FRMD4A: variants seen among roughly 807,000 people sequenced by gnomAD.
FRMD4A encodes the protein FERM domain-containing protein 4A.
Under a neutral mutation model 129.1 loss-of-function variants are expected in FRMD4A, and 29 were observed. That is an observed-to-expected ratio of 0.22 (90% CI 0.17 to 0.31). FRMD4A has a LOEUF of 0.31. Ranked by LOEUF, FRMD4A falls within the 10% of genes least tolerant of loss-of-function variation. The pLI, the probability that FRMD4A is intolerant of heterozygous loss-of-function variation, is 1.00. For missense variants in FRMD4A, 1,272 were observed against 1,375.8 expected, an observed-to-expected ratio of 0.92 and a Z score of 1.19; for synonymous variants, 634 against 571.6, an observed-to-expected ratio of 1.11 and a Z score of -1.56.
intron 8 of FRMD4A, among the ~76,000 whole-genome samples, chr10:13,752,145 G>A (rs938720914): frequency 5.3e-5 from 8 of 152,132 alleles, no homozygotes; most frequent in African/African-American, 1.4e-4. Flanking sequence ...AAAACTCTCC[G>A]GCAGTTATTA....
At chr10:14,189,570 A>G (rs1408185285) in intron 2 of FRMD4A, among the ~76,000 whole-genome samples, 2 of 152,168 alleles carry the variant, frequency 1.3e-5, no homozygotes, top group Non-Finnish European at 2.9e-5. Flanking sequence ...GTGAAACTCC[A>G]TTTCAAAAAA....
intron 3 of FRMD4A, among the ~76,000 whole-genome samples, chr10:13,814,019 G>C (rs985985729): frequency 2.6e-5 from 4 of 152,198 alleles, no homozygotes; most frequent in Admixed American, 2.6e-4. Context: ...GTTTGCCCTT[G>C]AGGCTTGTGT....
intron 2 of FRMD4A, among the ~76,000 whole-genome samples, chr10:14,033,306 C>A (rs1177091620): frequency 4.9e-5 from 7 of 141,452 alleles, no homozygotes; most frequent in African/African-American, 7.8e-5. Flanking sequence ...GACTGTGTCT[C>A]AAAAAAAAAA....
intron 2 of FRMD4A, among the ~76,000 whole-genome samples, chr10:13,987,657 T>C (rs1383120190): frequency 6.6e-6 from 1 of 152,160 alleles, no homozygotes; most frequent in Non-Finnish European, 1.5e-5. Context: ...AATGAGTGAC[T>C]CATCCATGGG....
At chr10:14,057,672 G>A (rs1834605145) in intron 2 of FRMD4A, among the ~76,000 whole-genome samples, 1 of 152,022 alleles carries the variant, frequency 6.6e-6, no homozygotes, top group Non-Finnish European at 1.5e-5. Context: ...CTGGGTTCAA[G>A]AGATTCTCCA....
intron 2 of FRMD4A, among the ~76,000 whole-genome samples, chr10:13,906,186 C>G (rs759119816): frequency 1.2e-4 from 19 of 152,266 alleles, no homozygotes; most frequent in Non-Finnish European, 1.8e-4. Context: ...AGTCACATCT[C>G]TGATTCTGCT....
At chr10:13,788,689 G>A (rs1367915069) in intron 5 of FRMD4A, among the ~76,000 whole-genome samples, 2 of 152,194 alleles carry the variant, frequency 1.3e-5, no homozygotes, top group Non-Finnish European at 2.9e-5. Context: ...ACAAGCAACA[G>A]CCCACCCAAA....
intron 2 of FRMD4A, among the ~76,000 whole-genome samples, chr10:14,172,114 T>C (rs1338537535): frequency 1.3e-5 from 2 of 152,192 alleles, no homozygotes; most frequent in South Asian, 2.1e-4. Context: ...TGAATTCAAA[T>C]GCAGTTTGAA....
intron 2 of FRMD4A, among the ~76,000 whole-genome samples, chr10:14,153,263 G>A (rs979554272): frequency 2.0e-5 from 3 of 152,154 alleles, no homozygotes; most frequent in Non-Finnish European, 4.4e-5. Flanking sequence ...GCACACCCAG[G>A]TTTGCAGATA....
At chr10:13,956,667 A>C (rs1401287003) in intron 2 of FRMD4A, among the ~76,000 whole-genome samples, 15 of 152,236 alleles carry the variant, frequency 9.9e-5, no homozygotes, top group Admixed American at 9.8e-4. Flanking sequence ...AAGGGAAAAG[A>C]AAATAATTGT....
intron 4 of FRMD4A, among the ~76,000 whole-genome samples, chr10:13,805,518 G>C (rs2130859269): frequency 6.6e-6 from 1 of 151,854 alleles, no homozygotes; most frequent in African/African-American, 2.4e-5. Context: ...ATTTATGACA[G>C]GAGATTCAAA....
rs761512942 is a variant in FRMD4A at position 13,657,152 on chromosome 10, C to T, written c.2437G>A (p.Ala813Thr). Residue 813 changes from alanine (A) to threonine (T), a missense_variant, in exon 22 of 25, where the codon GCG becomes ACG. This residue lies in a region of FRMD4A where 972 missense variants were observed against 892.3 expected (regional missense o/e 1.09). Transcript: ENST00000357447. ...NLAARGGAGG[A>T]GGAGGGVYLH... ...TACACACCGCCCCCCGCGCCCCCCG[C>T]GCCCCCCGCACCCCCGCGCGCCGCC... 2.0e-6 allele frequency: 3 copies of T among 1,476,706 alleles called. No homozygotes were observed. Among genetic ancestry groups the T allele is most frequent in the Non-Finnish European group, 1.8e-6 (2 of 1,115,858 alleles). 91.5% of individuals were successfully genotyped at this position (1,476,706 alleles called of 1,614,324 possible).
intron 2 of FRMD4A, among the ~76,000 whole-genome samples, chr10:14,168,373 T>C (rs928737202): frequency 1.3e-5 from 2 of 152,228 alleles, no homozygotes; most frequent in African/African-American, 4.8e-5. Context: ...AGGATACCTT[T>C]TGGATTTGCT....
intron 2 of FRMD4A, among the ~76,000 whole-genome samples, chr10:14,147,774 G>T (rs1480897312): frequency 6.6e-6 from 1 of 151,952 alleles, no homozygotes; most frequent in Non-Finnish European, 1.5e-5. Flanking sequence ...TTCCTAACAG[G>T]CCACGGACTG....
chr10:13,744,983 G>A lies in FRMD4A; in HGVS notation c.548+2753C>T, dbSNP rs189432282. 1.9e-3 allele frequency among the ~76,000 whole-genome samples: 287 copies of A among 152,314 alleles called. 2 individuals carry two copies. The highest frequency in any genetic ancestry group is 6.8e-3 in the African/African-American group (281 of 41,568). ...GAAAATAGTTAGCTAGAAGGAATAT[G>A]TTCTAGCATTTGATAGAACAGTAGG... On this transcript the variant is annotated intron_variant, in intron 9 of 24. Coordinates refer to ENST00000357447, the MANE Select transcript of FRMD4A (RefSeq NM_018027.5).
intron 2 of FRMD4A, among the ~76,000 whole-genome samples, chr10:14,211,966 G>C (rs1407550073): frequency 1.3e-5 from 2 of 152,180 alleles, no homozygotes; most frequent in Non-Finnish European, 2.9e-5. Flanking sequence ...CTCTGTGATG[G>C]AGACCTGTGT....
At chr10:14,104,731 G>A (rs1257147024) in intron 2 of FRMD4A, among the ~76,000 whole-genome samples, 1 of 152,208 alleles carries the variant, frequency 6.6e-6, no homozygotes, top group Non-Finnish European at 1.5e-5. Context: ...GCCAACCTTC[G>A]GCCAGTGTGG....
intron 2 of FRMD4A, among the ~76,000 whole-genome samples, chr10:14,021,312 C>T (rs1433269066): frequency 6.6e-6 from 1 of 151,600 alleles, no homozygotes; most frequent in African/African-American, 2.4e-5. Flanking sequence ...GGGGCTGAAG[C>T]AAAATGTTTG....
chr10:14,222,104 G>A (rs1445771861), intron 2 of FRMD4A, among the ~76,000 whole-genome samples: 1 of 152,166 alleles, frequency 6.6e-6, no homozygotes, highest in Non-Finnish European at 1.5e-5. Context: ...CATCAGCGAA[G>A]TATGAAATTA....
Sources: allele counts gnomAD v4.1 joint callset (sites outside exome capture counted in the v4.1 genomes callset), GRCh38; gene constraint gnomAD v4.1.1; regional missense constraint gnomAD v4.1.1; transcripts MANE v1.5; gene names NCBI Gene and HGNC (gene_info 2026-07-23, HGNC 2026-07-21).